CHRM3: variants seen among roughly 807,000 people sequenced by gnomAD.
The protein encoded by CHRM3 is muscarinic acetylcholine receptor M3.
In CHRM3, 11 loss-of-function variants were observed where a neutral mutation model predicts 41.8. That is an observed-to-expected ratio of 0.26 (90% CI 0.17 to 0.44). The LOEUF is 0.44. CHRM3 is among the 20% of genes least tolerant of loss of function. The pLI is 1.00. For missense variants in CHRM3, 571 were observed against 745.4 expected, an observed-to-expected ratio of 0.77 and a Z score of 2.72; for synonymous variants, 297 against 301.4, an observed-to-expected ratio of 0.99 and a Z score of 0.15.
intron 4 of CHRM3, among the ~76,000 whole-genome samples, chr1:239,650,722 G>A (rs1203609366): frequency 1.3e-5 from 2 of 152,150 alleles, no homozygotes; most frequent in Non-Finnish European, 2.9e-5. Flanking sequence ...GTGTGCATGG[G>A]AACATACAAG....
chr1:239,527,650 C>T (rs1204977517), intron 2 of CHRM3, among the ~76,000 whole-genome samples: 4 of 152,178 alleles, frequency 2.6e-5, no homozygotes, highest in Non-Finnish European at 4.4e-5. Flanking sequence ...GTCAATTGTG[C>T]TTTTCTCTGT....
chr1:239,728,289 G>A (rs758570693), intron 5 of CHRM3, among the ~76,000 whole-genome samples: 5 of 151,926 alleles, frequency 3.3e-5, no homozygotes, highest in African/African-American at 7.2e-5. Flanking sequence ...AATGAGATTA[G>A]GATATAACAG....
chr1:239,810,748 A>G (rs2148979454), intron 5 of CHRM3, among the ~76,000 whole-genome samples: 1 of 152,364 alleles, frequency 6.6e-6, no homozygotes, highest in Admixed American at 6.5e-5. Context: ...CATGAGGTTG[A>G]ACTATTTAGT....
At chr1:239,602,304 G>A (rs1025986482) in intron 3 of CHRM3, among the ~76,000 whole-genome samples, 3 of 151,720 alleles carry the variant, frequency 2.0e-5, no homozygotes, top group Non-Finnish European at 4.4e-5. Context: ...ACAATTTTAG[G>A]TATTGTTATA....
At chr1:239,555,685 A>T (rs1660284382) in intron 3 of CHRM3, among the ~76,000 whole-genome samples, 1 of 152,202 alleles carries the variant, frequency 6.6e-6, no homozygotes, top group Non-Finnish European at 1.5e-5. Flanking sequence ...AAGTAGGTAT[A>T]AATATGATTA....
At chr1:239,737,915 G>T (rs1664520935) in intron 5 of CHRM3, among the ~76,000 whole-genome samples, 1 of 151,998 alleles carries the variant, frequency 6.6e-6, no homozygotes, top group African/African-American at 2.4e-5. Context: ...AACAAAAAAT[G>T]CCCAGAAACC....
At chr1:239,484,065 AT>A (rs1667033098) in intron 1 of CHRM3, among the ~76,000 whole-genome samples, 1 of 152,134 alleles carries the variant, frequency 6.6e-6, no homozygotes, top group South Asian at 2.1e-4. Context: ...AAAGATCTTT[AT>A]TTTAAAATGT....
chr1:239,597,188 G>A (rs574983221), intron 3 of CHRM3, among the ~76,000 whole-genome samples: 79 of 151,954 alleles, frequency 5.2e-4, no homozygotes, highest in Non-Finnish European at 5.3e-4. Context: ...TATCATCAGC[G>A]GCATTCATTT....
chr1:239,411,765 CTA>C (rs1661092480), intron 1 of CHRM3, among the ~76,000 whole-genome samples: 2 of 133,920 alleles, frequency 1.5e-5, no homozygotes, highest in Admixed American at 1.5e-4. Flanking sequence ...GGATTGGACT[CTA>C]ATTGTTATTT....
chr1:239,607,190 CT>C (rs1399217886), intron 3 of CHRM3, among the ~76,000 whole-genome samples: 1 of 152,110 alleles, frequency 6.6e-6, no homozygotes, highest in Non-Finnish European at 1.5e-5. Flanking sequence ...TAACCCCATT[CT>C]TTCCCTGCAG....
In CHRM3 at chr1:239,502,363, G is replaced by A. The variant is rs530126979; in HGVS notation, c.-422+9556G>A. Among the ~76,000 whole-genome samples, 4 of 152,018 alleles carry A rather than the reference G, an allele frequency of 2.6e-5. No homozygotes were observed. In the South Asian group the frequency reaches 6.2e-4, roughly 24 times the overall value. ...ATGGATAAATTCCTGGAAAAATACA[G>A]CCCTCCTAGCTTAATTCAGGAAGAA... On this transcript the variant is annotated intron_variant, in intron 2 of 6. Coordinates refer to ENST00000676153, the MANE Select transcript of CHRM3 (RefSeq NM_001375978.1).
intron 1 of CHRM3, among the ~76,000 whole-genome samples, chr1:239,447,832 T>A (rs1292884401): frequency 1.3e-5 from 2 of 152,220 alleles, no homozygotes; most frequent in Non-Finnish European, 2.9e-5. Context: ...TGAGAAGGCA[T>A]CATTGAAGTT....
chr1:239,770,272 T>C lies in CHRM3; in HGVS notation c.-146-56980T>C, dbSNP rs553252938. On this transcript the variant is annotated intron_variant, in intron 5 of 6. Coordinates refer to ENST00000676153, the MANE Select transcript of CHRM3 (RefSeq NM_001375978.1). The stretch of plus-strand genomic sequence containing the variant: ...GGGCTCCAAGATCAGTGGGTGGGCC[T>C]AGACAGTGTATGTGTTTGCAGATTC... 1.3e-3 allele frequency among the ~76,000 whole-genome samples: 191 copies of C among 152,312 alleles called. 5 individuals are homozygous for C. In the South Asian group the frequency reaches 0.037, roughly 29 times the overall value.
chr1:239,534,153 T>C (rs548657527), intron 2 of CHRM3, among the ~76,000 whole-genome samples: 1 of 152,198 alleles, frequency 6.6e-6, no homozygotes, highest in African/African-American at 2.4e-5. Flanking sequence ...CATGTCCAAA[T>C]GCCATCTCTA....
At chr1:239,761,771 A>G (rs1376028950) in intron 5 of CHRM3, among the ~76,000 whole-genome samples, 2 of 152,164 alleles carry the variant, frequency 1.3e-5, no homozygotes, top group Admixed American at 6.5e-5. Context: ...CTGTCCCTGG[A>G]CGCAGGTGGA....
chr1:239,778,816 T>G (rs1572264580), intron 5 of CHRM3, among the ~76,000 whole-genome samples: 1 of 152,216 alleles, frequency 6.6e-6, no homozygotes, highest in South Asian at 2.1e-4. Flanking sequence ...TGCCAGGTCC[T>G]ATTCATTTTG....
intron 3 of CHRM3, among the ~76,000 whole-genome samples, chr1:239,562,599 A>G (rs1248250798): frequency 6.6e-6 from 1 of 152,120 alleles, no homozygotes; most frequent in Non-Finnish European, 1.5e-5. Context: ...TATTATTTTT[A>G]AAGCGTTGGG....
rs1018773261 is a variant in CHRM3, at chr1:239,909,349, G to T, written c.*125G>T. 53 of 930,344 alleles carry T rather than the reference G, an allele frequency of 5.7e-5. No individual in the cohort carries two copies. Among genetic ancestry groups the T allele is most frequent in the Non-Finnish European group, 8.3e-5 (52 of 630,280 alleles). 57.6% of individuals were successfully genotyped at this position (930,344 alleles called of 1,614,324 possible). Reference sequence around the variant, plus strand: ...ATGGTTTTATCACCCAGATGTGAAAGAAGCTGCCTGTTTACTGATCCATTG... The same window carrying T: ...ATGGTTTTATCACCCAGATGTGAAATAAGCTGCCTGTTTACTGATCCATTG... On this transcript the variant is annotated 3_prime_UTR_variant, in exon 7 of 7. Coordinates refer to ENST00000676153, the MANE Select transcript of CHRM3 (RefSeq NM_001375978.1).
At chr1:239,786,525 G>A (rs1668909756) in intron 5 of CHRM3, among the ~76,000 whole-genome samples, 1 of 152,170 alleles carries the variant, frequency 6.6e-6, no homozygotes, top group Non-Finnish European at 1.5e-5. Flanking sequence ...GGAGTCTGGT[G>A]GTACAGCTCG....
Sources: allele counts gnomAD v4.1 joint callset (sites outside exome capture counted in the v4.1 genomes callset), GRCh38; gene constraint gnomAD v4.1.1; transcripts MANE v1.5; gene names NCBI Gene and HGNC (gene_info 2026-07-23, HGNC 2026-07-21).